RIMBP2: variants seen among roughly 807,000 people sequenced by gnomAD.
The protein encoded by RIMBP2 is RIMS binding protein 2, also known as RIMS-binding protein 2.
A neutral mutation model predicts 118.6 loss-of-function variants in RIMBP2; 48 were observed. That is an observed-to-expected ratio of 0.40 (90% confidence interval 0.32 to 0.51). RIMBP2 has a LOEUF of 0.51. Among genes scored for constraint, RIMBP2 ranks in the 20% least tolerant of loss-of-function variants. The pLI is 0.41. For missense variants in RIMBP2, 1,551 were observed against 1,768.3 expected (o/e 0.88, Z 2.20); for synonymous variants, 762 against 742.9 (o/e 1.03, Z -0.42).
chr12:130,554,030 T>A (rs1320673617), intron 2 of RIMBP2, among the ~76,000 whole-genome samples: 2 of 152,312 alleles, frequency 1.3e-5, no homozygotes, highest in East Asian at 1.9e-4. Context: ...GCAAGCCAAC[T>A]GTGTTCCGAG....
At chr12:130,681,286 AAT>A (rs1249090376) in intron 1 of RIMBP2, among the ~76,000 whole-genome samples, 184 of 99,368 alleles carry the variant, frequency 1.9e-3, no homozygotes, top group Non-Finnish European at 2.8e-3. Flanking sequence ...TCTAAAAAAA[AAT>A]AAAAAATAAA....
At chr12:130,610,717 C>T (rs1397652931) in intron 2 of RIMBP2, among the ~76,000 whole-genome samples, 10 of 151,338 alleles carry the variant, frequency 6.6e-5, no homozygotes, top group Admixed American at 6.6e-4. Flanking sequence ...CCCGCTACCA[C>T]GCCCGGCTAA....
At position 130,431,392 on chromosome 12, in the gene RIMBP2, C is replaced by T; in HGVS notation, c.2254-3055G>A. 1 of 384,394 alleles carries T rather than the reference C, an allele frequency of 2.6e-6. No homozygotes were observed. The highest frequency in any genetic ancestry group is 5.4e-6 in the Non-Finnish European group (1 of 184,506). The allele number at this position is 384,394 out of a possible 1,614,324, so 23.8% of individuals were successfully genotyped here. A position where few individuals can be genotyped will look rare whatever the true frequency, so the allele number is the denominator to read the frequency against. ...GTAAAACTGGCAGTCTGTGCACCAG[C>T]TCAACTTCAGTCACTCCCTACCACT... is the stretch of plus-strand genomic sequence containing the variant. On this transcript the variant is annotated intron_variant, in intron 14 of 22. Transcript: ENST00000690449. The surrounding 1 kb of genome is among the most constrained non-coding windows in gnomAD (Gnocchi z 4.0).
intron 1 of RIMBP2, among the ~76,000 whole-genome samples, chr12:130,692,420 G>A (rs932968404): frequency 9.2e-5 from 14 of 152,022 alleles, no homozygotes; most frequent in African/African-American, 2.9e-4. Context: ...ATGATTTGAC[G>A]AGTCTTTTGT....
chr12:130,443,246 C>CAA (rs59960598), intron 10 of RIMBP2, among the ~76,000 whole-genome samples: 3,523 of 115,198 alleles, frequency 0.031, 155 homozygotes, highest in African/African-American at 0.097. Context: ...AGTTGTGTGG[C>CAA]AAAAAAAAAA....
At chr12:130,701,626 G>T (rs975729102) in intron 1 of RIMBP2, among the ~76,000 whole-genome samples, 5 of 152,172 alleles carry the variant, frequency 3.3e-5, no homozygotes, top group African/African-American at 1.2e-4. Context: ...GCGTGAGACT[G>T]TGAGACCGAC....
chr12:130,430,967 G>A (rs760547613), intron 14 of RIMBP2, among the ~76,000 whole-genome samples: 2 of 151,958 alleles, frequency 1.3e-5, no homozygotes, highest in Non-Finnish European at 2.9e-5. Flanking sequence ...ACCCACATCC[G>A]GTCATCAAGA....
chr12:130,533,456 G>T (rs1238468803), intron 2 of RIMBP2, among the ~76,000 whole-genome samples: 1 of 152,154 alleles, frequency 6.6e-6, no homozygotes, highest in African/African-American at 2.4e-5. Flanking sequence ...CACTGATTTG[G>T]AATATAAATT....
intron 4 of RIMBP2, among the ~76,000 whole-genome samples, chr12:130,501,939 T>G (rs1451938256): frequency 6.6e-6 from 1 of 152,226 alleles, no homozygotes; most frequent in East Asian, 1.9e-4. Context: ...AGAGTCAGCT[T>G]CCCCATCCCC....
In RIMBP2 at chr12:130,479,999, C is replaced by T. The variant is rs563840994; in HGVS notation, c.-3-983G>A. 2.6e-5 allele frequency among the ~76,000 whole-genome samples: 4 copies of T among 152,060 alleles called. No individual in the cohort carries two copies. The East Asian group carries it at 7.8e-4, about 30-fold the overall frequency. On this transcript the variant is annotated intron_variant, in intron 4 of 22. Coordinates refer to ENST00000690449, the MANE Select transcript of RIMBP2 (RefSeq NM_001393629.1). Reference sequence around the variant, plus strand: ...GCCCCCAGACCCATGAAGCTCACAGCAGTGACCAGCCACGAACCCTGGCAG... The same window carrying T: ...GCCCCCAGACCCATGAAGCTCACAGTAGTGACCAGCCACGAACCCTGGCAG...
intron 21 of RIMBP2, among the ~76,000 whole-genome samples, chr12:130,405,673 G>A (rs2075100146): frequency 6.6e-6 from 1 of 151,938 alleles, no homozygotes; most frequent in African/African-American, 2.4e-5. Flanking sequence ...CAGCAGCAAG[G>A]GGTGGGGGCG....
intron 1 of RIMBP2, chr12:130,660,035 G>A (rs1015627813): frequency 8.0e-6 from 1 of 125,336 alleles, no homozygotes; most frequent in African/African-American, 2.6e-5. Flanking sequence ...CCCGCACAGG[G>A]TCACTCTGTC....
chr12:130,519,414 G>C (rs2051835895), intron 2 of RIMBP2, among the ~76,000 whole-genome samples: 1 of 152,216 alleles, frequency 6.6e-6, no homozygotes, highest in Non-Finnish European at 1.5e-5. Context: ...GTGGTGCTTT[G>C]TTCCGGGAAA....
At chr12:130,625,567 AT>A (rs1319256613) in intron 2 of RIMBP2, among the ~76,000 whole-genome samples, 5 of 152,144 alleles carry the variant, frequency 3.3e-5, no homozygotes, top group African/African-American at 1.2e-4. Context: ...CTATTTTCTA[AT>A]TGCTCTCCCT....
At chr12:130,613,629 C>T (rs910035823) in intron 2 of RIMBP2, among the ~76,000 whole-genome samples, 4 of 152,180 alleles carry the variant, frequency 2.6e-5, no homozygotes, top group Middle Eastern at 3.4e-3. Flanking sequence ...TCCTGGCCAA[C>T]GTGGTGAAAC....
intron 2 of RIMBP2, among the ~76,000 whole-genome samples, chr12:130,598,562 A>G (rs2059687315): frequency 6.6e-6 from 1 of 152,118 alleles, no homozygotes; most frequent in Non-Finnish European, 1.5e-5. Flanking sequence ...CCCCATCTCT[A>G]CTAAAAACAC....
chr12:130,424,969 A>AG lies in RIMBP2; in HGVS notation c.2413-112dup, dbSNP rs577385946. ...GACAGAATTAGTCCTGGAGGCACCG[A>AG]GGGGGGGGAAGCATGCGTCTACTCA... On this transcript the variant is annotated intron_variant, in intron 15 of 22. Coordinates refer to ENST00000690449, the MANE Select transcript of RIMBP2 (RefSeq NM_001393629.1). This position sits in a 1 kb window ranked among gnomAD's most constrained non-coding sequence, Gnocchi z 9.8. 296 of 512,826 alleles carry AG rather than the reference A, an allele frequency of 5.8e-4. 4 individuals carry two copies. Among genetic ancestry groups the AG allele is most frequent in the East Asian group, 2.3e-3 (60 of 26,160 alleles). 31.8% of individuals were successfully genotyped at this position (512,826 alleles called of 1,614,324 possible). A position where few individuals can be genotyped will look rare whatever the true frequency, so the allele number is the denominator to read the frequency against.
At chr12:130,574,410 A>C (rs2057931223) in intron 2 of RIMBP2, among the ~76,000 whole-genome samples, 1 of 152,146 alleles carries the variant, frequency 6.6e-6, no homozygotes, top group Admixed American at 6.5e-5. Flanking sequence ...AAAACCCCCC[A>C]CAACAGAGTC....
intron 2 of RIMBP2, among the ~76,000 whole-genome samples, chr12:130,541,785 G>A (rs1455381974): frequency 6.6e-6 from 1 of 152,242 alleles, no homozygotes; most frequent in Non-Finnish European, 1.5e-5. Context: ...GAGCCATGCT[G>A]CAGACACTGT....
Sources: allele counts gnomAD v4.1 joint callset (sites outside exome capture counted in the v4.1 genomes callset), GRCh38; gene constraint gnomAD v4.1.1; non-coding constraint Gnocchi (gnomAD v3.1); transcripts MANE v1.5; gene names NCBI Gene and HGNC (gene_info 2026-07-23, HGNC 2026-07-21).